The following MFNG variants were observed in gnomAD, a reference collection of about 807,000 sequenced individuals.
MFNG encodes MFNG O-fucosylpeptide 3-beta-N-acetylglucosaminyltransferase, also known as beta-1,3-N-acetylglucosaminyltransferase manic fringe.
In MFNG, 24 loss-of-function variants were observed where a neutral mutation model predicts 34.2. The observed-to-expected ratio is 0.70, with a 90% confidence interval of 0.51 to 0.99. The LOEUF is 0.99. MFNG is among the 50% of genes least tolerant of loss of function. MFNG has a pLI of 0.00. For missense variants in MFNG, 383 were observed against 424.0 expected, an observed-to-expected ratio of 0.90 and a Z score of 0.85; for synonymous variants, 158 against 179.2, an observed-to-expected ratio of 0.88 and a Z score of 0.94.
At chr22:37,470,125 G>A in intron 7 of MFNG, 96 bp from the exon 8 acceptor site, 1 of 918,054 alleles carries the variant, frequency 1.1e-6, no homozygotes, top group Non-Finnish European at 1.7e-6. Context: ...GCGGTTTGGA[G>A]CAGGGTTTCT....
intron 7 of MFNG, among the ~76,000 whole-genome samples, chr22:37,470,240 T>C (rs1229475602): frequency 6.6e-6 from 1 of 152,186 alleles, no homozygotes; most frequent in Admixed American, 6.5e-5. Flanking sequence ...ACCCACAAGA[T>C]TCCAGTAGCA....
chr22:37,479,017 C>T (rs766112169), intron 4 of MFNG, among the ~76,000 whole-genome samples: 12 of 152,178 alleles, frequency 7.9e-5, no homozygotes, highest in Non-Finnish European at 1.5e-4. Context: ...TACATGGGGA[C>T]ACCAGGTGAC....
intron 6 of MFNG, 148 bp from the exon 7 acceptor site, chr22:37,472,676 C>T (rs1315896786): frequency 4.5e-6 from 3 of 672,722 alleles, no homozygotes; most frequent in African/African-American, 1.9e-5. Flanking sequence ...GGGAGCCCAC[C>T]CCACGCCCCA....
Position 37,486,004 on chromosome 22 carries a change from A to G in MFNG, c.174T>C (p.Ile58=), listed in dbSNP as rs1218600849. Residue 58 remains isoleucine (I), a synonymous_variant, in exon 1 of 8, where the codon ATT becomes ATC. Coordinates refer to ENST00000356998, the MANE Select transcript of MFNG (RefSeq NM_002405.4). ...PPKLQLHDVF[I]AVKTTRAFHR... ...GGAAAGCCCGGGTCGTCTTCACTGC[A>G]ATGAAGACATCGTGTAGCTGTAGCT... The G allele has an allele frequency of 1.9e-6, 3 of 1,613,960 alleles. No homozygotes were observed. The South Asian group carries it at 3.3e-5, about 18-fold the overall frequency.
intron 4 of MFNG, among the ~76,000 whole-genome samples, chr22:37,478,673 AT>A (rs34736336): frequency 0.035 from 4,955 of 141,784 alleles, 74 homozygotes; most frequent in Middle Eastern, 0.12. Flanking sequence ...GTATTCAGCA[AT>A]TTTTTTTTTT....
rs1266283425 is a variant in MFNG at position 37,482,989 on chromosome 22, G to A, written c.256-2220C>T. 6.6e-6 allele frequency among the ~76,000 whole-genome samples: 1 copy of A among 152,126 alleles called. No individual in the cohort carries two copies. The highest frequency in any genetic ancestry group is 1.5e-5 in the Non-Finnish European group (1 of 68,022). On this transcript the variant is annotated intron_variant, in intron 1 of 7. Transcript: ENST00000356998. This position sits in a 1 kb window ranked among gnomAD's most constrained non-coding sequence, Gnocchi z 4.1. Reference sequence around the variant, plus strand: ...CACCATCAGGGAGCTGGAGACTCGTGGACACCACCAGCCCTAGCCTCTCCC... The same window carrying A: ...CACCATCAGGGAGCTGGAGACTCGTAGACACCACCAGCCCTAGCCTCTCCC...
rs1002357412 is a variant in MFNG, at chr22:37,482,937, G to C, written c.256-2168C>G. Among the ~76,000 whole-genome samples, 1 of 152,184 alleles carries C rather than the reference G, an allele frequency of 6.6e-6. No homozygotes were observed. The highest frequency in any genetic ancestry group is 6.5e-5 in the Admixed American group (1 of 15,278). ...TCTCCATGAAGCCCACTCCGTCAGT[G>C]ACGCCATGCAGCCTCTCAGCTTTAA... On this transcript the variant is annotated intron_variant, in intron 1 of 7. Transcript: ENST00000356998. This position sits in a 1 kb window ranked among gnomAD's most constrained non-coding sequence, Gnocchi z 4.1.
Position 37,482,703 on chromosome 22 carries a change from G to A in MFNG, c.256-1934C>T, listed in dbSNP as rs1355552119. Among the ~76,000 whole-genome samples, 1 of 152,158 alleles carries A rather than the reference G, an allele frequency of 6.6e-6. No homozygotes were observed. Among genetic ancestry groups the A allele is most frequent in the Non-Finnish European group, 1.5e-5 (1 of 68,030 alleles). ...ATTTCTCTCCCCGTCTCTTCCACCA[G>A]ACGATGGCATCCTGGAGACCACAGG... On this transcript the variant is annotated intron_variant, in intron 1 of 7. Transcript: ENST00000356998. The surrounding 1 kb of genome is among the most constrained non-coding windows in gnomAD (Gnocchi z 4.1).
rs1478899841 is a variant in MFNG, at chr22:37,483,812, T to C, written c.255+2111A>G. Reference sequence around the variant, plus strand: ...AAAACACCAGCAGCCATGAACAGAGTGAGGGAGAGAGCCGGGAAGGGGAGT... The same window carrying C: ...AAAACACCAGCAGCCATGAACAGAGCGAGGGAGAGAGCCGGGAAGGGGAGT... On this transcript the variant is annotated intron_variant, in intron 1 of 7. Coordinates refer to ENST00000356998, the MANE Select transcript of MFNG (RefSeq NM_002405.4). The surrounding 1 kb of genome is among the most constrained non-coding windows in gnomAD (Gnocchi z 4.5). Among the ~76,000 whole-genome samples the C allele has an allele frequency of 6.7e-6, 1 of 149,988 alleles. No homozygotes were observed. The highest frequency in any genetic ancestry group is 1.5e-5 in the Non-Finnish European group (1 of 67,530).
At chr22:37,474,740 AC>A in intron 5 of MFNG, 63 bp from the exon 6 acceptor site, 1 of 1,511,578 alleles carries the variant, frequency 6.6e-7, no homozygotes, top group Non-Finnish European at 8.9e-7. Context: ...GCCGTGGGCC[AC>A]CCCATGAAGG....
Position 37,469,667 on chromosome 22 carries a change from C to A in MFNG, c.*296G>T. 1 of 482,932 alleles carries A rather than the reference C, an allele frequency of 2.1e-6. No homozygotes were observed. The highest frequency in any genetic ancestry group is 3.9e-6 in the Non-Finnish European group (1 of 257,290). The allele number at this position is 482,932 out of a possible 1,614,324, so 29.9% of individuals were successfully genotyped here. ...AAGGGTTAGGACCCCTGAGCCCCAG[C>A]CCAGCTCAAGTGCCCCCTGCCCTTT... On this transcript the variant is annotated 3_prime_UTR_variant, in exon 8 of 8. Transcript: ENST00000356998.
chr22:37,470,066 C>A, intron 7 of MFNG, 37 bp from the exon 8 acceptor site: 1 of 1,505,634 alleles, frequency 6.6e-7, no homozygotes, highest in Non-Finnish European at 9.1e-7. Flanking sequence ...ATGGTCACCC[C>A]CCACTTCTGC....
chr22:37,471,887 G>A (rs1890643004), intron 7 of MFNG, among the ~76,000 whole-genome samples: 1 of 147,194 alleles, frequency 6.8e-6, no homozygotes. Context: ...TGTGTGGAAA[G>A]GAAGCTGCAT....
rs1922488675 is a variant in MFNG, at chr22:37,485,201, A to C, written c.255+722T>G. On this transcript the variant is annotated intron_variant, in intron 1 of 7. Coordinates refer to ENST00000356998, the MANE Select transcript of MFNG (RefSeq NM_002405.4). This position sits in a 1 kb window ranked among gnomAD's most constrained non-coding sequence, Gnocchi z 5.3. ...CGTGTGAGCACACACACACACACAC[A>C]CACAATCCCACGTGCCAGGCAGGCC... is the stretch of plus-strand genomic sequence containing the variant. 2.0e-5 allele frequency among the ~76,000 whole-genome samples: 3 copies of C among 152,052 alleles called. No individual in the cohort carries two copies. The highest frequency in any genetic ancestry group is 2.0e-4 in the Admixed American group (3 of 15,274).
At chr22:37,470,200 G>A (rs1921745860) in intron 7 of MFNG, among the ~76,000 whole-genome samples, 171 bp from the exon 8 acceptor site, 1 of 152,194 alleles carries the variant, frequency 6.6e-6, no homozygotes, top group Non-Finnish European at 1.5e-5. Context: ...CCTGTGCCTT[G>A]CGAGATATTT....
At chr22:37,476,651 G>A (rs1180205130) in intron 5 of MFNG, among the ~76,000 whole-genome samples, 5 of 152,204 alleles carry the variant, frequency 3.3e-5, no homozygotes, top group Non-Finnish European at 2.9e-5. Context: ...CCGACGGGGG[G>A]ACTGGGGCTC....
intron 4 of MFNG, among the ~76,000 whole-genome samples, chr22:37,478,770 C>T (rs1462321784): frequency 1.3e-5 from 2 of 152,118 alleles, no homozygotes; most frequent in Non-Finnish European, 2.9e-5. Context: ...CCTCCGCCTC[C>T]TGGGTTCAAG....
Position 37,469,535 on chromosome 22 carries a change from A to G in MFNG, c.*428T>C. 1 of 324,126 alleles carries G rather than the reference A, an allele frequency of 3.1e-6. No individual in the cohort carries two copies. Among genetic ancestry groups the G allele is most frequent in the South Asian group, 2.5e-5 (1 of 39,332 alleles). 20.1% of individuals were successfully genotyped at this position (324,126 alleles called of 1,614,324 possible). A position where few individuals can be genotyped will look rare whatever the true frequency, so the allele number is the denominator to read the frequency against. Reference sequence around the variant, plus strand: ...CCTTCAGGAACTCGGGACACAGATGAGGGAGGCAGGAGTGGGCGGCCCAGC... The same window carrying G: ...CCTTCAGGAACTCGGGACACAGATGGGGGAGGCAGGAGTGGGCGGCCCAGC... On this transcript the variant is annotated 3_prime_UTR_variant, in exon 8 of 8. Transcript: ENST00000356998.
rs1190977557 is a variant in MFNG at position 37,474,697 on chromosome 22, T to G, written c.648-20A>C. ...GAGCCACTGAGGGACAGAGCCAGAC[T>G]GCAGACGCTGGCCCAGGCCCTCCAC... On this transcript the variant is annotated intron_variant, in intron 5 of 7. Coordinates refer to ENST00000356998, the MANE Select transcript of MFNG (RefSeq NM_002405.4). The G allele has an allele frequency of 2.6e-6, 4 of 1,568,142 alleles. No homozygotes were observed. Among genetic ancestry groups the G allele is most frequent in the Non-Finnish European group, 1.7e-6 (2 of 1,155,380 alleles).
Sources: allele counts gnomAD v4.1 joint callset (sites outside exome capture counted in the v4.1 genomes callset), GRCh38; gene constraint gnomAD v4.1.1; non-coding constraint Gnocchi (gnomAD v3.1); transcripts MANE v1.5; gene names NCBI Gene and HGNC (gene_info 2026-07-23, HGNC 2026-07-21).